The following PMM2 variants were observed in gnomAD, a reference collection of about 807,000 sequenced individuals.
PMM2 encodes the protein mannose-6-phosphate isomerase.
A neutral mutation model predicts 33.2 loss-of-function variants in PMM2; 35 were observed. The observed-to-expected ratio is 1.06, with a 90% confidence interval of 0.81 to 1.40. PMM2 has a LOEUF of 1.40. Among genes scored for constraint, PMM2 ranks in the 40% most tolerant of loss-of-function variants. The probability of loss-of-function intolerance (pLI) is 0.00; values close to 1 mark genes in which losing one functional copy is unlikely to be tolerated. For missense variants in PMM2, 386 were observed against 306.0 expected (o/e 1.26, Z -1.95); for synonymous variants, 153 against 114.7 (o/e 1.33, Z -2.13).
At chr16:8,829,935 G>T (rs991935832) in intron 7 of PMM2, among the ~76,000 whole-genome samples, 3 of 152,182 alleles carry the variant, frequency 2.0e-5, no homozygotes, top group African/African-American at 7.2e-5. Context: ...TACAATTAGG[G>T]CAGATACCCC....
At chr16:8,827,945 A>ATATATATATATTTATAAATT (rs111789304) in intron 7 of PMM2, among the ~76,000 whole-genome samples, 5 of 3,740 alleles carry the variant, frequency 1.3e-3, no homozygotes, top group Non-Finnish European at 0.012. Context: ...ATATTTATAA[A>ATATATATATATTTATAAATT]TATATATATT....
chr16:8,812,180 G>C (rs546040482), intron 6 of PMM2, among the ~76,000 whole-genome samples: 1 of 152,170 alleles, frequency 6.6e-6, no homozygotes, highest in Non-Finnish European at 1.5e-5. Flanking sequence ...TACAGATCAA[G>C]AAACTGAGGC....
At chr16:8,821,756 C>G (rs779866544) in intron 7 of PMM2, among the ~76,000 whole-genome samples, 9 of 152,316 alleles carry the variant, frequency 5.9e-5, no homozygotes, top group Non-Finnish European at 4.4e-5. Flanking sequence ...GTGTTTTTTC[C>G]TAGATTCTAA....
At chr16:8,803,804 C>T (rs905426281) in intron 2 of PMM2, among the ~76,000 whole-genome samples, 1 of 151,632 alleles carries the variant, frequency 6.6e-6, no homozygotes, top group Non-Finnish European at 1.5e-5. Context: ...GTGCCTCAGC[C>T]TCCGAAGTAG....
chr16:8,827,863 T>TA (rs2060784034), intron 7 of PMM2, among the ~76,000 whole-genome samples: 2 of 91,892 alleles, frequency 2.2e-5, no homozygotes, highest in African/African-American at 7.5e-5. Context: ...ATATGTTATA[T>TA]ATTATATATA....
At chr16:8,844,316 C>T (rs556200114) in intron 7 of PMM2, among the ~76,000 whole-genome samples, 135 of 151,226 alleles carry the variant, frequency 8.9e-4, no homozygotes, top group Non-Finnish European at 1.5e-3. Context: ...GAAAAGAGAG[C>T]GTAGAGACAT....
intron 7 of PMM2, among the ~76,000 whole-genome samples, chr16:8,829,673 C>G (rs2060798790): frequency 6.6e-6 from 1 of 152,192 alleles, no homozygotes. Flanking sequence ...GTCTCTGAGC[C>G]AGATGGAAGA....
At position 8,811,128 on chromosome 16, in the gene PMM2, G is replaced by A; in HGVS notation, c.397G>A (p.Gly133Arg). 1 of 1,578,108 alleles carries A rather than the reference G, an allele frequency of 6.3e-7. No homozygotes were observed. The highest frequency in any genetic ancestry group is 8.6e-7 in the Non-Finnish European group (1 of 1,157,980). Residue 133 changes from glycine (G) to arginine (R), a missense_variant, in exon 5 of 8, where the codon GGA (glycine) becomes AGA (arginine). Transcript: ENST00000268261. ...TGGGATGTTAAACGTGTCCCCTATT[G>A]GAAGAAGCTGCAGCCAAGAAGAACG... ...RNGMLNVSPIGRSCSQEERIE... is the reference protein window; with the variant it reads ...RNGMLNVSPIRRSCSQEERIE...
At chr16:8,844,536 A>G (rs1310751534) in intron 7 of PMM2, among the ~76,000 whole-genome samples, 1 of 152,124 alleles carries the variant, frequency 6.6e-6, no homozygotes, top group Non-Finnish European at 1.5e-5. Context: ...AGACACGGAA[A>G]GAAGGGGTTG....
intron 7 of PMM2, among the ~76,000 whole-genome samples, chr16:8,817,141 T>G (rs912567946): frequency 2.0e-5 from 3 of 152,210 alleles, no homozygotes; most frequent in Admixed American, 2.0e-4. Flanking sequence ...CTCAGTGGGG[T>G]AGAAAGATCT....
chr16:8,817,575 C>T (rs1218669005), intron 7 of PMM2, among the ~76,000 whole-genome samples: 1 of 152,180 alleles, frequency 6.6e-6, no homozygotes, highest in Non-Finnish European at 1.5e-5. Flanking sequence ...GGGAATTCTT[C>T]ATTTGGGAAT....
chr16:8,845,008 T>A (rs2060915933), intron 7 of PMM2, among the ~76,000 whole-genome samples: 1 of 152,238 alleles, frequency 6.6e-6, no homozygotes, highest in Non-Finnish European at 1.5e-5. Context: ...GGTCTCCCGA[T>A]CTGAGTCACG....
intron 1 of PMM2, 57 bp downstream of exon 1, chr16:8,798,005 T>C (rs372515376): frequency 1.4e-5 from 21 of 1,530,280 alleles, no homozygotes; most frequent in Non-Finnish European, 1.8e-5. Flanking sequence ...CTGTTCCCAG[T>C]TGGGGCTATC....
chr16:8,808,041 C>G (rs1169292373), intron 4 of PMM2: 1 of 152,182 alleles, frequency 6.6e-6, no homozygotes, highest in Non-Finnish European at 1.5e-5. Context: ...ACACCTTAAT[C>G]ATCAGGGTTG....
At chr16:8,845,766 T>G (rs541389297) in intron 7 of PMM2, among the ~76,000 whole-genome samples, 2 of 151,602 alleles carry the variant, frequency 1.3e-5, no homozygotes, top group Non-Finnish European at 2.9e-5. Flanking sequence ...TCTGTGACTT[T>G]TACCCACTGT....
intron 2 of PMM2, among the ~76,000 whole-genome samples, chr16:8,804,246 G>A (rs1347219880): frequency 6.6e-6 from 1 of 151,332 alleles, no homozygotes; most frequent in Non-Finnish European, 1.5e-5. Flanking sequence ...TCACTATGTT[G>A]GCCAGGCTGG....
At chr16:8,817,906 A>T (rs1050291727) in intron 7 of PMM2, among the ~76,000 whole-genome samples, 6 of 142,738 alleles carry the variant, frequency 4.2e-5, no homozygotes, top group East Asian at 2.1e-4. Flanking sequence ...TGCAAAGAAG[A>T]TTTTTTTTTT....
chr16:8,813,397 G>A (rs532731109), intron 7 of PMM2, among the ~76,000 whole-genome samples: 10 of 152,252 alleles, frequency 6.6e-5, no homozygotes, highest in African/African-American at 9.6e-5. Context: ...ACCAGTCCCC[G>A]GTGCCACTGT....
At chr16:8,838,746 C>T (rs559247036) in intron 7 of PMM2, among the ~76,000 whole-genome samples, 3 of 151,960 alleles carry the variant, frequency 2.0e-5, no homozygotes, top group Non-Finnish European at 4.4e-5. Context: ...ATTGGGAGGA[C>T]CTAGGACATC....
Sources: gnomAD v4.1 joint callset for allele counts (sites outside exome capture counted in the v4.1 genomes callset) on GRCh38, gnomAD v4.1.1 for gene constraint, MANE v1.5 for transcripts, NCBI Gene and HGNC (gene_info 2026-07-23, HGNC 2026-07-21) for gene names.